The following NKAIN2 variants were observed in gnomAD, a reference collection of about 807,000 sequenced individuals.
NKAIN2 encodes sodium/potassium transporting ATPase interacting 2.
In NKAIN2, 14 loss-of-function variants were observed where a neutral mutation model predicts 32.6. That is an observed-to-expected ratio of 0.43 (90% CI 0.28 to 0.67). The LOEUF is 0.67. NKAIN2 is among the 30% of genes least tolerant of loss of function. The probability of loss-of-function intolerance (pLI) is 0.17; values close to 1 mark genes in which losing one functional copy is unlikely to be tolerated. For synonymous variants in NKAIN2, 80 were observed against 87.2 expected (o/e 0.92, Z 0.46); for missense variants, 198 against 258.3 (o/e 0.77, Z 1.60).
At chr6:124,389,665 A>C (rs1396771288) in intron 3 of NKAIN2, among the ~76,000 whole-genome samples, 1 of 150,414 alleles carries the variant, frequency 6.6e-6, no homozygotes, top group Admixed American at 6.6e-5. Flanking sequence ...TTAGATCCTC[A>C]CCCTCTTTCT....
Position 124,043,966 on chromosome 6 carries a change from A to G in NKAIN2, c.55-239039A>G, listed in dbSNP as rs555931560. Among the ~76,000 whole-genome samples, 3 of 152,204 alleles carry G rather than the reference A, an allele frequency of 2.0e-5. No homozygotes were observed. The East Asian group carries it at 5.8e-4, about 30-fold the overall frequency. The stretch of plus-strand genomic sequence containing the variant: ...AAAAGGTAGGAACTATGTATTAGTT[A>G]TCTGTTCATTATCATGTAGACAAGT... On this transcript the variant is annotated intron_variant, in intron 1 of 6. Transcript: ENST00000368417.
At chr6:123,966,903 A>C (rs1375786920) in intron 1 of NKAIN2, among the ~76,000 whole-genome samples, 1 of 152,166 alleles carries the variant, frequency 6.6e-6, no homozygotes, top group Non-Finnish European at 1.5e-5. Context: ...TTCCAATCTA[A>C]AGTAGTGTTG....
chr6:124,474,902 ATAT>A (rs1443713191), intron 3 of NKAIN2, among the ~76,000 whole-genome samples: 1 of 130,582 alleles, frequency 7.7e-6, no homozygotes, highest in Non-Finnish European at 1.7e-5. Context: ...TATATGTATC[ATAT>A]TATATACTAT....
At chr6:123,885,574 C>T (rs1366443768) in intron 1 of NKAIN2, among the ~76,000 whole-genome samples, 2 of 151,802 alleles carry the variant, frequency 1.3e-5, no homozygotes, top group Non-Finnish European at 2.9e-5. Flanking sequence ...GGAAAATGAT[C>T]GTGGATAATG....
At position 124,577,348 on chromosome 6, in the gene NKAIN2, A is replaced by G. The variant is rs947725021; in HGVS notation, c.274-80838A>G. On this transcript the variant is annotated intron_variant, in intron 3 of 6. Transcript: ENST00000368417. The stretch of plus-strand genomic sequence containing the variant: ...GAATTGCTGTCACCACCCCTCCTGC[A>G]CCCCCCAGCAGCAGCTGCATAGTGT... 1.3e-4 allele frequency among the ~76,000 whole-genome samples: 20 copies of G among 151,468 alleles called. 1 individual carries two copies. The highest frequency in any genetic ancestry group is 4.6e-4 in the African/African-American group (19 of 41,210).
chr6:124,729,230 C>A (rs958240165), intron 4 of NKAIN2, among the ~76,000 whole-genome samples: 2 of 150,692 alleles, frequency 1.3e-5, no homozygotes, highest in African/African-American at 4.8e-5. Flanking sequence ...CATTCTGATA[C>A]CAAAGCCAGG....
intron 1 of NKAIN2, among the ~76,000 whole-genome samples, chr6:124,187,888 A>G (rs1789822549): frequency 6.6e-6 from 1 of 152,062 alleles, no homozygotes; most frequent in South Asian, 2.1e-4. Context: ...TGTTTTAGTC[A>G]TTTCCTCTTC....
intron 3 of NKAIN2, among the ~76,000 whole-genome samples, chr6:124,534,829 A>T (rs1562243029): frequency 1.3e-5 from 2 of 151,606 alleles, no homozygotes; most frequent in African/African-American, 2.4e-5. Context: ...CTGTTTTTAA[A>T]TTTTTTTTTC....
intron 1 of NKAIN2, among the ~76,000 whole-genome samples, chr6:124,056,454 A>T (rs889343475): frequency 2.6e-5 from 4 of 151,974 alleles, no homozygotes; most frequent in African/African-American, 9.7e-5. Context: ...GATAAAGGCC[A>T]GTTCTTGTGA....
intron 1 of NKAIN2, among the ~76,000 whole-genome samples, chr6:124,104,466 T>C (rs552069124): frequency 1.3e-5 from 2 of 152,200 alleles, no homozygotes; most frequent in Non-Finnish European, 2.9e-5. Context: ...GTGAAGAATA[T>C]CTTTTTCAAT....
intron 1 of NKAIN2, among the ~76,000 whole-genome samples, chr6:123,971,993 A>T (rs1778366207): frequency 6.6e-6 from 1 of 152,166 alleles, no homozygotes; most frequent in African/African-American, 2.4e-5. Flanking sequence ...CCCCTGAAAC[A>T]GTAAGACCAA....
intron 1 of NKAIN2, among the ~76,000 whole-genome samples, chr6:124,145,495 G>A (rs1268984798): frequency 1.7e-5 from 1 of 57,940 alleles, no homozygotes; most frequent in East Asian, 3.9e-4. Context: ...AACTTTTTTT[G>A]TTTTTGTTTT....
chr6:124,140,587 A>G (rs1051002381), intron 1 of NKAIN2, among the ~76,000 whole-genome samples: 2 of 152,300 alleles, frequency 1.3e-5, no homozygotes, highest in Non-Finnish European at 2.9e-5. Context: ...TAACTTGTTC[A>G]CTGACTAGAG....
intron 3 of NKAIN2, among the ~76,000 whole-genome samples, chr6:124,586,591 A>G (rs1174288473): frequency 6.6e-6 from 1 of 151,954 alleles, no homozygotes; most frequent in African/African-American, 2.4e-5. Context: ...TTCTGAACCT[A>G]AAATAAAAGT....
chr6:123,948,289 G>T (rs903260968), intron 1 of NKAIN2, among the ~76,000 whole-genome samples: 1 of 152,042 alleles, frequency 6.6e-6, no homozygotes, highest in African/African-American at 2.4e-5. Flanking sequence ...AAATGAAGTA[G>T]TGGGATAGCT....
intron 1 of NKAIN2, among the ~76,000 whole-genome samples, chr6:123,970,720 A>T (rs1778298768): frequency 6.6e-6 from 1 of 151,982 alleles, no homozygotes; most frequent in Non-Finnish European, 1.5e-5. Context: ...TTCTACTAAA[A>T]AAATACAAAA....
At chr6:124,075,173 A>G (rs1783639275) in intron 1 of NKAIN2, among the ~76,000 whole-genome samples, 4 of 152,162 alleles carry the variant, frequency 2.6e-5, no homozygotes, top group Admixed American at 2.6e-4. Context: ...AAGTCTATAA[A>G]CCTATTGGAA....
chr6:124,131,840 G>A (rs1786495297), intron 1 of NKAIN2, among the ~76,000 whole-genome samples: 1 of 152,124 alleles, frequency 6.6e-6, no homozygotes. Context: ...GCTTCCAGGT[G>A]AATTTTATGA....
intron 3 of NKAIN2, among the ~76,000 whole-genome samples, chr6:124,615,679 T>G (rs889883849): frequency 6.0e-5 from 9 of 148,942 alleles, no homozygotes; most frequent in Middle Eastern, 3.5e-3. Context: ...TTCAAATATT[T>G]TTTCTGACCC....
Sources: allele counts gnomAD v4.1 joint callset (sites outside exome capture counted in the v4.1 genomes callset), GRCh38; gene constraint gnomAD v4.1.1; transcripts MANE v1.5; gene names NCBI Gene and HGNC (gene_info 2026-07-23, HGNC 2026-07-21).